The following FSTL4 variants were observed in gnomAD, a reference collection of about 807,000 sequenced individuals.
The protein encoded by FSTL4 is follistatin like 4.
In FSTL4, 28 loss-of-function variants were observed where a neutral mutation model predicts 78.2. That is an observed-to-expected ratio of 0.36 (90% CI 0.27 to 0.49). The LOEUF is 0.49. Among genes scored for constraint, FSTL4 ranks in the 20% least tolerant of loss-of-function variants. The pLI is 0.98. For missense variants in FSTL4, 922 were observed against 1,084.9 expected, an observed-to-expected ratio of 0.85 and a Z score of 2.11; for synonymous variants, 422 against 440.5, an observed-to-expected ratio of 0.96 and a Z score of 0.53.
the FSTL4 span, among the ~76,000 whole-genome samples, chr5:133,777,202 A>G: frequency 2.1e-5 from 3 of 143,768 alleles, no homozygotes; most frequent in Middle Eastern, 6.9e-3. Context: ...AAAATTACAC[A>G]GCTATTAAAG....
the FSTL4 span, among the ~76,000 whole-genome samples, chr5:133,745,421 C>T: frequency 1.3e-5 from 2 of 152,372 alleles, no homozygotes; most frequent in East Asian, 3.9e-4. Context: ...AAGTCAGCCA[C>T]AGAAGCTGCT....
chr5:133,825,770 C>G, the FSTL4 span, among the ~76,000 whole-genome samples: 1 of 152,242 alleles, frequency 6.6e-6, no homozygotes, highest in Non-Finnish European at 1.5e-5. Flanking sequence ...CCGGCCCTGT[C>G]TGACAGCCCA....
At chr5:133,417,749 G>A (rs979675244) in intron 3 of FSTL4, among the ~76,000 whole-genome samples, 1 of 151,954 alleles carries the variant, frequency 6.6e-6, no homozygotes, top group African/African-American at 2.4e-5. Flanking sequence ...CTTGAGGTCA[G>A]GAGTTTGAGA....
At chr5:133,605,433 C>G (rs1290324693) in intron 1 of FSTL4, among the ~76,000 whole-genome samples, 1 of 152,170 alleles carries the variant, frequency 6.6e-6, no homozygotes, top group African/African-American at 2.4e-5. Flanking sequence ...CTGCTCACTG[C>G]CATAGGCAAC....
chr5:133,663,632 A>G, the FSTL4 span, among the ~76,000 whole-genome samples: 1 of 152,228 alleles, frequency 6.6e-6, no homozygotes, highest in Non-Finnish European at 1.5e-5. Context: ...CCTTTCTGCT[A>G]GAGTTGAATG....
At chr5:133,580,543 A>C (rs1760378818) in intron 2 of FSTL4, among the ~76,000 whole-genome samples, 1 of 152,248 alleles carries the variant, frequency 6.6e-6, no homozygotes, top group African/African-American at 2.4e-5. Flanking sequence ...TCATGCTAAG[A>C]AGTGCCACGG....
the FSTL4 span, among the ~76,000 whole-genome samples, chr5:133,769,413 A>G: frequency 1.3e-5 from 2 of 152,234 alleles, no homozygotes; most frequent in Non-Finnish European, 2.9e-5. Context: ...CAATATTCAA[A>G]AAGATGTGGA....
At chr5:133,685,059 G>T in the FSTL4 span, among the ~76,000 whole-genome samples, 5 of 152,342 alleles carry the variant, frequency 3.3e-5, no homozygotes, top group East Asian at 9.6e-4. Context: ...TCTAGACTAA[G>T]TGAACAGGGC....
At chr5:133,580,811 G>A (rs892805405) in intron 2 of FSTL4, among the ~76,000 whole-genome samples, 2 of 152,188 alleles carry the variant, frequency 1.3e-5, no homozygotes, top group African/African-American at 2.4e-5. Flanking sequence ...AAGCAGCGGA[G>A]GTCCTAGGGA....
At chr5:133,233,716 T>C (rs1751570803) in intron 7 of FSTL4, among the ~76,000 whole-genome samples, 179 bp from the exon 8 acceptor site, 1 of 152,228 alleles carries the variant, frequency 6.6e-6, no homozygotes, top group African/African-American at 2.4e-5. Context: ...AACCCCATCT[T>C]GCCTCCACAT....
chr5:133,204,866 T>C (rs1031556459), intron 14 of FSTL4, among the ~76,000 whole-genome samples: 1 of 152,002 alleles, frequency 6.6e-6, no homozygotes, highest in African/African-American at 2.4e-5. Flanking sequence ...TTCAGGCTTT[T>C]GGTTAACACT....
At chr5:133,733,719 C>A in the FSTL4 span, among the ~76,000 whole-genome samples, 1 of 152,208 alleles carries the variant, frequency 6.6e-6, no homozygotes, top group Admixed American at 6.5e-5. Context: ...GCTTAAAACA[C>A]AACAAACATT....
intron 3 of FSTL4, among the ~76,000 whole-genome samples, chr5:133,538,303 C>G (rs1463587225): frequency 6.6e-6 from 1 of 152,054 alleles, no homozygotes; most frequent in East Asian, 1.9e-4. Flanking sequence ...TTTGATGTTT[C>G]CTCCTAAGAT....
intron 4 of FSTL4, among the ~76,000 whole-genome samples, chr5:133,354,703 G>A (rs1754905735): frequency 6.6e-6 from 1 of 152,206 alleles, no homozygotes; most frequent in Non-Finnish European, 1.5e-5. Context: ...ATAACTAAGG[G>A]CACAGCACCA....
chr5:133,733,522 A>G, the FSTL4 span, among the ~76,000 whole-genome samples: 5 of 152,264 alleles, frequency 3.3e-5, no homozygotes, highest in Non-Finnish European at 7.3e-5. Context: ...AGAGCTAGTT[A>G]AATGACACTA....
At chr5:133,230,056 G>A (rs1751447971) in intron 8 of FSTL4, among the ~76,000 whole-genome samples, 1 of 152,196 alleles carries the variant, frequency 6.6e-6, no homozygotes. Context: ...TTTACTGGCG[G>A]TGGGCTTGTC....
the FSTL4 span, among the ~76,000 whole-genome samples, chr5:133,656,632 G>T: frequency 6.6e-6 from 1 of 152,172 alleles, no homozygotes; most frequent in African/African-American, 2.4e-5. Context: ...AAGGAGCAAA[G>T]AGAAGGCTCT....
chr5:133,319,156 C>T (rs7730752), intron 4 of FSTL4, among the ~76,000 whole-genome samples: 3 of 152,016 alleles, frequency 2.0e-5, no homozygotes, highest in Non-Finnish European at 4.4e-5. Flanking sequence ...TGCCTGTGAG[C>T]GCAGACTTCT....
chr5:133,605,265 C>A (rs986757578), intron 1 of FSTL4, among the ~76,000 whole-genome samples: 1 of 152,158 alleles, frequency 6.6e-6, no homozygotes, highest in African/African-American at 2.4e-5. Flanking sequence ...AGTGCTTAAT[C>A]ACATATGGTC....
Sources: gnomAD v4.1 joint callset for allele counts (sites outside exome capture counted in the v4.1 genomes callset) on GRCh38, gnomAD v4.1.1 for gene constraint, MANE v1.5 for transcripts, NCBI Gene and HGNC (gene_info 2026-07-23, HGNC 2026-07-21) for gene names.